ECPAS: variants seen among roughly 807,000 people sequenced by gnomAD.
The protein encoded by ECPAS is Ecm29 proteasome adaptor and scaffold, also known as proteasome adapter and scaffold protein ECM29.
A neutral mutation model predicts 255.1 loss-of-function variants in ECPAS; 70 were observed. That is an observed-to-expected ratio of 0.27 (90% CI 0.23 to 0.33). The LOEUF (loss-of-function observed/expected upper bound fraction) is 0.33, where lower values mean the gene tolerates loss of function less well. Among genes scored for constraint, ECPAS ranks in the 10% least tolerant of loss-of-function variants. The probability of loss-of-function intolerance (pLI) is 1.00; values close to 1 mark genes in which losing one functional copy is unlikely to be tolerated. For missense variants in ECPAS, 1,817 were observed against 2,206.4 expected (o/e 0.82, Z 3.54); for synonymous variants, 784 against 775.0 (o/e 1.01, Z -0.19).
In ECPAS at chr9:111,472,997, G is replaced by T; in HGVS notation, c.-79C>A. The T allele has an allele frequency of 3.7e-6, 4 of 1,089,172 alleles. No homozygotes were observed. Among genetic ancestry groups the T allele is most frequent in the Non-Finnish European group, 4.6e-6 (4 of 868,608 alleles). 67.5% of individuals were successfully genotyped at this position (1,089,172 alleles called of 1,614,324 possible). ...ACTCGTACATATGCAATTGTATAAA[G>T]AATCTATTATTTAGAACACCAAAAA... On this transcript the variant is annotated 5_prime_UTR_variant, in exon 2 of 50. Transcript: ENST00000684092.
At chr9:111,397,361 A>G (rs1001395185) in intron 24 of ECPAS, among the ~76,000 whole-genome samples, 2 of 152,204 alleles carry the variant, frequency 1.3e-5, no homozygotes, top group African/African-American at 4.8e-5. Flanking sequence ...TATTTTTCAA[A>G]GTCTTTGCTG....
At chr9:111,468,033 G>A (rs974418888) in intron 2 of ECPAS, among the ~76,000 whole-genome samples, 2 of 152,058 alleles carry the variant, frequency 1.3e-5, no homozygotes, top group South Asian at 2.1e-4. Flanking sequence ...TGTGACTGTA[G>A]TCCCAGCTAC....
intron 4 of ECPAS, 66 bp from the exon 5 acceptor site, chr9:111,442,490 T>G (rs1476279695): frequency 3.1e-6 from 3 of 981,686 alleles, no homozygotes; most frequent in Non-Finnish European, 4.7e-6. Context: ...TGAAAATATA[T>G]GATTGATAAC....
intron 2 of ECPAS, among the ~76,000 whole-genome samples, chr9:111,460,729 G>C (rs1012669262): frequency 5.3e-5 from 8 of 152,096 alleles, no homozygotes; most frequent in African/African-American, 1.7e-4. Flanking sequence ...AATTAATCTA[G>C]GGAAAAATGT....
intron 24 of ECPAS, among the ~76,000 whole-genome samples, chr9:111,400,715 T>C (rs1436894303): frequency 6.6e-6 from 1 of 152,134 alleles, no homozygotes; most frequent in Non-Finnish European, 1.5e-5. Context: ...GACAGGCTAC[T>C]TGAAAACACA....
At position 111,436,995 on chromosome 9, in the gene ECPAS, T is replaced by A; in HGVS notation, c.653A>T (p.Tyr218Phe). Residue 218 changes from tyrosine (Y) to phenylalanine (F), a missense_variant, in exon 7 of 50, where the codon TAT (tyrosine) becomes TTT (phenylalanine). Transcript: ENST00000684092. Reference protein sequence around the residue: ...IPQPPPGMSFYAAKRVIGDNP... With the variant: ...IPQPPPGMSFFAAKRVIGDNP... The stretch of plus-strand genomic sequence containing the variant: ...ATCACCAATAACTCGTTTGGCTGCA[T>A]AAAAGCTCATTCCCGGAGGAGGCTG... The A allele has an allele frequency of 6.2e-7, 1 of 1,613,336 alleles. No individual in the cohort carries two copies. The highest frequency in any genetic ancestry group is 8.5e-7 in the Non-Finnish European group (1 of 1,179,642).
At chr9:111,462,621 T>A (rs1168447273) in intron 2 of ECPAS, among the ~76,000 whole-genome samples, 1 of 151,982 alleles carries the variant, frequency 6.6e-6, no homozygotes, top group Non-Finnish European at 1.5e-5. Context: ...GCAATAAAAC[T>A]ACAAGTTATC....
At chr9:111,451,931 T>C (rs2098260804) in intron 2 of ECPAS, among the ~76,000 whole-genome samples, 1 of 152,234 alleles carries the variant, frequency 6.6e-6, no homozygotes, top group African/African-American at 2.4e-5. Flanking sequence ...ACAATATATC[T>C]ATCCCTGGTG....
intron 2 of ECPAS, among the ~76,000 whole-genome samples, chr9:111,463,421 T>G (rs185461978): frequency 1.3e-5 from 2 of 151,976 alleles, no homozygotes; most frequent in Non-Finnish European, 2.9e-5. Context: ...CCCCCAACAG[T>G]CAAACATTCT....
intron 35 of ECPAS, among the ~76,000 whole-genome samples, chr9:111,379,226 A>G (rs1412030437): frequency 6.6e-6 from 1 of 152,210 alleles, no homozygotes; most frequent in Non-Finnish European, 1.5e-5. Context: ...GTCCCATAAG[A>G]TCATACAAGA....
At chr9:111,464,681 A>G (rs190004476) in intron 2 of ECPAS, among the ~76,000 whole-genome samples, 1 of 152,268 alleles carries the variant, frequency 6.6e-6, no homozygotes, top group Admixed American at 6.5e-5. Context: ...CTGCAGAAGG[A>G]TATGTACAGT....
chr9:111,472,936 CA>C lies in ECPAS; in HGVS notation c.-19del. 8.0e-7 allele frequency: 1 copy of C among 1,249,132 alleles called. No homozygotes were observed. Among genetic ancestry groups the C allele is most frequent in the Non-Finnish European group, 1.0e-6 (1 of 968,728 alleles). 77.4% of individuals were successfully genotyped at this position (1,249,132 alleles called of 1,614,324 possible). ...TGATACATGGTTTATCCAATCTTGA[CA>C]AAAATCCTCGGGATCACCAATGGTA... On this transcript the variant is annotated 5_prime_UTR_variant, in exon 2 of 50. An upstream open reading frame in the 5' UTR loses its in-frame stop. Coordinates refer to ENST00000684092, the MANE Select transcript of ECPAS (RefSeq NM_001364929.1).
At chr9:111,382,260 C>CTTTTTTT (rs35441317) in intron 35 of ECPAS, among the ~76,000 whole-genome samples, 1 of 107,716 alleles carries the variant, frequency 9.3e-6, no homozygotes, top group Non-Finnish European at 1.8e-5. Flanking sequence ...AAAAGTGATA[C>CTTTTTTT]TTTTTTTTTT....
intron 45 of ECPAS, among the ~76,000 whole-genome samples, 200 bp downstream of exon 45, chr9:111,370,235 C>T (rs567907541): frequency 2.6e-5 from 4 of 152,282 alleles, no homozygotes; most frequent in South Asian, 2.1e-4. Context: ...TGTAAAGAGA[C>T]GGAATACCTG....
At chr9:111,403,125 G>A (rs1230766072) in intron 24 of ECPAS, among the ~76,000 whole-genome samples, 3 of 151,748 alleles carry the variant, frequency 2.0e-5, no homozygotes, top group African/African-American at 7.3e-5. Flanking sequence ...GGCCACAGTG[G>A]GCAGATCACT....
chr9:111,465,371 C>T (rs902784014), intron 2 of ECPAS, among the ~76,000 whole-genome samples: 1 of 151,938 alleles, frequency 6.6e-6, no homozygotes, highest in African/African-American at 2.4e-5. Flanking sequence ...GAAACCCTGT[C>T]TCTACTTAAA....
Position 111,484,098 on chromosome 9 carries a change from C to G in ECPAS, c.-83+18G>C, listed in dbSNP as rs1286167249. ...CGCGCAGGGCCAGTCCCCCGCGGCCCGGGGGCGGGCCTCTGACCTGAGTCG... is the reference window on the plus strand; with the variant it reads ...CGCGCAGGGCCAGTCCCCCGCGGCCGGGGGGCGGGCCTCTGACCTGAGTCG... On this transcript the variant is annotated intron_variant, in intron 1 of 49. Coordinates refer to ENST00000684092, the MANE Select transcript of ECPAS (RefSeq NM_001364929.1). 1 of 1,325,224 alleles carries G rather than the reference C, an allele frequency of 7.5e-7. No individual in the cohort carries two copies. Among genetic ancestry groups the G allele is most frequent in the Non-Finnish European group, 9.6e-7 (1 of 1,037,714 alleles). The allele number at this position is 1,325,224 out of a possible 1,614,324, so 82.1% of individuals were successfully genotyped here. A position where few individuals can be genotyped will look rare whatever the true frequency, so the allele number is the denominator to read the frequency against.
Position 111,463,449 on chromosome 9 carries a change from C to T in ECPAS, c.22+9448G>A, listed in dbSNP as rs542862708. Among the ~76,000 whole-genome samples the T allele has an allele frequency of 3.3e-5, 5 of 152,234 alleles. No homozygotes were observed. In the East Asian group the frequency reaches 5.8e-4, roughly 18 times the overall value. On this transcript the variant is annotated intron_variant, in intron 2 of 49. Transcript: ENST00000684092. ...AACATTCTCTACAGAAAACAGAGTG[C>T]TTTGTGAAAGCTGAAAAAAATTATA...
chr9:111,451,872 A>G lies in ECPAS; in HGVS notation c.23-317T>C, dbSNP rs1021553407. ...CTAAAGGCATCTTCTGGAACTAGTTAGTAGAGCAAGGCAGCAAAACTTTAA... is the reference window on the plus strand; with the variant it reads ...CTAAAGGCATCTTCTGGAACTAGTTGGTAGAGCAAGGCAGCAAAACTTTAA... On this transcript the variant is annotated intron_variant, in intron 2 of 49. Transcript: ENST00000684092. Among the ~76,000 whole-genome samples, 7 of 152,246 alleles carry G rather than the reference A, an allele frequency of 4.6e-5. No homozygotes were observed. In the South Asian group the frequency reaches 1.2e-3, roughly 27 times the overall value.
Sources: allele counts gnomAD v4.1 joint callset (sites outside exome capture counted in the v4.1 genomes callset), GRCh38; gene constraint gnomAD v4.1.1; transcripts MANE v1.5; gene names NCBI Gene and HGNC (gene_info 2026-07-23, HGNC 2026-07-21).